NEGR1: variants seen among roughly 807,000 people sequenced by gnomAD.
NEGR1 encodes the protein neuronal growth regulator 1.
Under a neutral mutation model 40.9 loss-of-function variants are expected in NEGR1, and 10 were observed. The ratio of observed to expected loss-of-function variants is 0.24; its 90% CI spans 0.15 to 0.42. NEGR1 has a LOEUF of 0.42. Among genes scored for constraint, NEGR1 ranks in the 10% least tolerant of loss-of-function variants. The probability of loss-of-function intolerance (pLI) is 1.00; values close to 1 mark genes in which losing one functional copy is unlikely to be tolerated. For missense variants in NEGR1, 352 were observed against 438.9 expected (o/e 0.80, Z 1.77); for synonymous variants, 185 against 166.8 (o/e 1.11, Z -0.84).
intron 4 of NEGR1, among the ~76,000 whole-genome samples, chr1:71,656,570 G>A (rs1301157984): frequency 6.6e-6 from 1 of 152,098 alleles, no homozygotes; most frequent in East Asian, 1.9e-4. Flanking sequence ...CCGCCACCGT[G>A]CCCGTCTAAT....
intron 1 of NEGR1, among the ~76,000 whole-genome samples, chr1:72,207,207 C>A (rs536441674): frequency 2.0e-5 from 3 of 151,030 alleles, no homozygotes; most frequent in African/African-American, 4.9e-5. Flanking sequence ...ACATGTTTAT[C>A]GTAAAGTAGA....
In NEGR1 at chr1:71,897,779, T is replaced by C. The variant is rs371962509; in HGVS notation, c.409+37300A>G. 2.6e-4 allele frequency among the ~76,000 whole-genome samples: 40 copies of C among 152,292 alleles called. No homozygotes were observed. In the East Asian group the frequency reaches 6.9e-3, roughly 26 times the overall value. On this transcript the variant is annotated intron_variant, in intron 2 of 6. Coordinates refer to ENST00000357731, the MANE Select transcript of NEGR1 (RefSeq NM_173808.3). ...TTGTTTGTTTTTATCCAAAGTTTGG[T>C]CAACACTTATGGTACAAGATCTCTA...
intron 2 of NEGR1, among the ~76,000 whole-genome samples, chr1:71,824,940 T>G (rs1334667956): frequency 6.6e-6 from 1 of 151,934 alleles, no homozygotes; most frequent in Non-Finnish European, 1.5e-5. Flanking sequence ...GTTTTTGATT[T>G]TGTGAATTAG....
At chr1:72,019,941 G>C (rs1646742426) in intron 1 of NEGR1, among the ~76,000 whole-genome samples, 1 of 152,170 alleles carries the variant, frequency 6.6e-6, no homozygotes, top group Non-Finnish European at 1.5e-5. Context: ...ACATATTCTA[G>C]TTATAGTGAA....
intron 3 of NEGR1, among the ~76,000 whole-genome samples, chr1:71,744,413 A>G (rs1279817543): frequency 6.6e-6 from 1 of 151,022 alleles, no homozygotes; most frequent in African/African-American, 2.4e-5. Context: ...TCCATGTCAT[A>G]ATATATCCAT....
At chr1:71,962,770 GTT>G (rs34191412) in intron 1 of NEGR1, among the ~76,000 whole-genome samples, 2 of 145,216 alleles carry the variant, frequency 1.4e-5, no homozygotes, top group African/African-American at 5.0e-5. Flanking sequence ...AATTCTCCAA[GTT>G]TTTTTTTTTT....
chr1:72,119,182 G>T (rs1012739780), intron 1 of NEGR1, among the ~76,000 whole-genome samples: 4 of 151,882 alleles, frequency 2.6e-5, no homozygotes, highest in African/African-American at 7.2e-5. Flanking sequence ...CTAGGTGTTT[G>T]CAGTTTGACA....
At chr1:71,585,555 C>T (rs542355482) in intron 6 of NEGR1, among the ~76,000 whole-genome samples, 1 of 152,024 alleles carries the variant, frequency 6.6e-6, no homozygotes, top group Non-Finnish European at 1.5e-5. Context: ...CTTTCCCTTC[C>T]AAATTTACTG....
At chr1:72,196,957 C>A (rs997413805) in intron 1 of NEGR1, among the ~76,000 whole-genome samples, 19 of 151,934 alleles carry the variant, frequency 1.3e-4, no homozygotes, top group Middle Eastern at 3.4e-3. Context: ...AGATTTAGGA[C>A]AACTTATCAT....
chr1:71,474,072 A>G (rs17562024), intron 6 of NEGR1, among the ~76,000 whole-genome samples: 53,546 of 151,714 alleles, frequency 0.35, 11,428 homozygotes, highest in South Asian at 0.5. Context: ...TAACACAACT[A>G]TCATTCAAAA....
intron 1 of NEGR1, among the ~76,000 whole-genome samples, chr1:71,993,798 A>G (rs116742040): frequency 9.2e-4 from 140 of 152,328 alleles, no homozygotes; most frequent in Admixed American, 2.7e-3. Flanking sequence ...TGCAGTTATC[A>G]AGTGGTAGAT....
chr1:72,108,101 T>C (rs1649206868), intron 1 of NEGR1, among the ~76,000 whole-genome samples: 1 of 151,558 alleles, frequency 6.6e-6, no homozygotes, highest in Admixed American at 6.6e-5. Flanking sequence ...TTCTAGAACA[T>C]CTTAATGGGT....
At chr1:71,546,260 T>C (rs1294167964) in intron 6 of NEGR1, among the ~76,000 whole-genome samples, 2 of 151,472 alleles carry the variant, frequency 1.3e-5, no homozygotes, top group African/African-American at 4.8e-5. Flanking sequence ...AAAATGAAAA[T>C]TTGACAGTGA....
At chr1:71,451,617 T>C (rs1282581498) in intron 6 of NEGR1, among the ~76,000 whole-genome samples, 1 of 152,174 alleles carries the variant, frequency 6.6e-6, no homozygotes, top group Non-Finnish European at 1.5e-5. Context: ...ATTACAGGCA[T>C]GTAGGTGGTA....
At chr1:72,267,649 A>G (rs1402487268) in intron 1 of NEGR1, among the ~76,000 whole-genome samples, 1 of 151,366 alleles carries the variant, frequency 6.6e-6, no homozygotes, top group Non-Finnish European at 1.5e-5. Context: ...TGATAAAATA[A>G]AATCACAGAA....
At chr1:71,670,563 CTT>C (rs113832378) in intron 4 of NEGR1, among the ~76,000 whole-genome samples, 1 of 148,716 alleles carries the variant, frequency 6.7e-6, no homozygotes, top group Non-Finnish European at 1.5e-5. Flanking sequence ...CAGTTTTTTA[CTT>C]TTTTTTTTGA....
chr1:71,475,667 T>C (rs936834880), intron 6 of NEGR1, among the ~76,000 whole-genome samples: 1 of 152,044 alleles, frequency 6.6e-6, no homozygotes, highest in Admixed American at 6.6e-5. Flanking sequence ...ATTTCACACA[T>C]ATTTGCTTAA....
intron 1 of NEGR1, among the ~76,000 whole-genome samples, chr1:72,169,812 A>G (rs955988887): frequency 6.6e-5 from 10 of 152,184 alleles, no homozygotes; most frequent in Non-Finnish European, 1.3e-4. Flanking sequence ...GAACTTTAAT[A>G]AATGTCAGTT....
intron 2 of NEGR1, among the ~76,000 whole-genome samples, chr1:71,933,575 G>A (rs1360037580): frequency 6.6e-6 from 1 of 151,974 alleles, no homozygotes; most frequent in Non-Finnish European, 1.5e-5. Context: ...GATTAAGCTT[G>A]AATAACATAA....
Sources: allele counts gnomAD v4.1 joint callset (sites outside exome capture counted in the v4.1 genomes callset), GRCh38; gene constraint gnomAD v4.1.1; transcripts MANE v1.5; gene names NCBI Gene and HGNC (gene_info 2026-07-23, HGNC 2026-07-21).